The following PDE4D variants were observed in gnomAD, a reference collection of about 807,000 sequenced individuals.
The protein encoded by PDE4D is 3',5'-cyclic-AMP phosphodiesterase 4D.
A neutral mutation model predicts 87.4 loss-of-function variants in PDE4D; 24 were observed. The observed-to-expected ratio is 0.27, with a 90% CI of 0.20 to 0.39. The LOEUF is 0.39. Ranked by LOEUF, PDE4D falls within the 10% of genes least tolerant of loss-of-function variation. The pLI is 1.00. For synonymous variants in PDE4D, 384 were observed against 383.2 expected (o/e 1.00, Z -0.02); for missense variants, 714 against 1,041.0 (o/e 0.69, Z 4.32).
intron 2 of PDE4D, among the ~76,000 whole-genome samples, chr5:60,003,276 A>T (rs758939197): frequency 6.6e-6 from 1 of 152,238 alleles, no homozygotes; most frequent in Admixed American, 6.5e-5. Context: ...AAGATTTCAT[A>T]TTGTTAAAAT....
chr5:59,660,834 C>T (rs1580231419), intron 1 of PDE4D, among the ~76,000 whole-genome samples: 4 of 152,028 alleles, frequency 2.6e-5, no homozygotes, highest in African/African-American at 7.2e-5. Flanking sequence ...CAAGTTATCA[C>T]CAATTCTGAA....
chr5:59,254,072 T>C (rs1001007881), intron 1 of PDE4D, among the ~76,000 whole-genome samples: 2 of 152,110 alleles, frequency 1.3e-5, no homozygotes, highest in African/African-American at 4.8e-5. Flanking sequence ...GACAGCTGAT[T>C]CTCAAGCAAA....
At chr5:60,121,869 C>T (rs188739701) in intron 2 of PDE4D, among the ~76,000 whole-genome samples, 2 of 152,300 alleles carry the variant, frequency 1.3e-5, no homozygotes, top group Non-Finnish European at 1.5e-5. Context: ...GTTCCTTCCA[C>T]CTATGAGCCC....
intron 1 of PDE4D, among the ~76,000 whole-genome samples, chr5:59,709,329 T>G (rs866103133): frequency 2.6e-5 from 4 of 152,168 alleles, no homozygotes; most frequent in East Asian, 3.8e-4. Flanking sequence ...TAACAAAGTC[T>G]CTGCAGTTAT....
chr5:59,160,308 C>A (rs1399606633), intron 5 of PDE4D, among the ~76,000 whole-genome samples: 1 of 152,114 alleles, frequency 6.6e-6, no homozygotes, highest in African/African-American at 2.4e-5. Context: ...ATATGATTAG[C>A]AGTTATGAAA....
At chr5:59,647,140 C>A (rs983680252) in intron 1 of PDE4D, among the ~76,000 whole-genome samples, 1 of 152,192 alleles carries the variant, frequency 6.6e-6, no homozygotes, top group Non-Finnish European at 1.5e-5. Flanking sequence ...GGCATATTCA[C>A]AGCCTTCAAG....
intron 1 of PDE4D, among the ~76,000 whole-genome samples, chr5:59,433,559 C>T (rs1373758640): frequency 1.3e-5 from 2 of 151,960 alleles, no homozygotes; most frequent in Non-Finnish European, 2.9e-5. Context: ...AAAATAAGAA[C>T]ACATTGGAGA....
At chr5:60,415,432 C>T (rs1742411645) in intron 1 of PDE4D, among the ~76,000 whole-genome samples, 1 of 152,264 alleles carries the variant, frequency 6.6e-6, no homozygotes, top group Non-Finnish European at 1.5e-5. Flanking sequence ...AGCCGGCGCC[C>T]TCAGCTTGCG....
chr5:59,069,203 T>A (rs1221638809), intron 5 of PDE4D, among the ~76,000 whole-genome samples: 1 of 152,094 alleles, frequency 6.6e-6, no homozygotes, highest in Non-Finnish European at 1.5e-5. Context: ...TCCTTATACC[T>A]CTCCATTCCC....
chr5:59,445,969 T>C (rs1198136607), intron 1 of PDE4D, among the ~76,000 whole-genome samples: 2 of 152,130 alleles, frequency 1.3e-5, no homozygotes, highest in Non-Finnish European at 2.9e-5. Flanking sequence ...TGAATTCCCA[T>C]GGTTGGTTTA....
At chr5:59,133,725 T>C (rs981978309) in intron 5 of PDE4D, among the ~76,000 whole-genome samples, 2 of 152,124 alleles carry the variant, frequency 1.3e-5, no homozygotes, top group African/African-American at 4.8e-5. Flanking sequence ...GCCTCATGTT[T>C]TCCACCTCCC....
chr5:59,928,332 A>G (rs1755504903), intron 3 of PDE4D, among the ~76,000 whole-genome samples: 1 of 152,108 alleles, frequency 6.6e-6, no homozygotes, highest in Admixed American at 6.6e-5. Flanking sequence ...GAAGAAAGTA[A>G]TAGGGGAGGC....
chr5:60,347,935 T>G (rs924090682), intron 1 of PDE4D, among the ~76,000 whole-genome samples: 1 of 152,160 alleles, frequency 6.6e-6, no homozygotes, highest in African/African-American at 2.4e-5. Context: ...TCTCAGTTGT[T>G]TTCTGCCGTT....
intron 5 of PDE4D, among the ~76,000 whole-genome samples, chr5:59,146,057 G>A (rs2153457604): frequency 6.6e-6 from 1 of 152,288 alleles, no homozygotes; most frequent in South Asian, 2.1e-4. Context: ...AACCTGGGAG[G>A]TGGAGGTTGC....
intron 1 of PDE4D, among the ~76,000 whole-genome samples, chr5:59,466,715 C>A (rs1801633429): frequency 6.6e-6 from 1 of 152,110 alleles, no homozygotes; most frequent in African/African-American, 2.4e-5. Context: ...ATATGCCAGC[C>A]CTCTAGGAAC....
At chr5:60,134,589 C>T (rs377196866) in intron 2 of PDE4D, among the ~76,000 whole-genome samples, 9 of 152,270 alleles carry the variant, frequency 5.9e-5, no homozygotes, top group South Asian at 4.1e-4. Context: ...CTCTGGCAGA[C>T]GCCAAAATCC....
At chr5:59,038,782 G>T in intron 6 of PDE4D, 77 bp downstream of exon 6, 1 of 1,298,982 alleles carries the variant, frequency 7.7e-7, no homozygotes, top group Non-Finnish European at 1.0e-6. Flanking sequence ...TATTTCCCGG[G>T]GCTATGGGTA....
At chr5:60,393,254 G>A (rs777492724) in intron 1 of PDE4D, among the ~76,000 whole-genome samples, 1 of 152,168 alleles carries the variant, frequency 6.6e-6, no homozygotes, top group Non-Finnish European at 1.5e-5. Context: ...AACTTCATAG[G>A]AAAACAGTGA....
At chr5:60,044,635 A>T (rs1768981858) in intron 2 of PDE4D, among the ~76,000 whole-genome samples, 1 of 151,446 alleles carries the variant, frequency 6.6e-6, no homozygotes, top group Non-Finnish European at 1.5e-5. Context: ...TGTTCTTGCG[A>T]TAGTTTACTG....
Sources: allele counts gnomAD v4.1 joint callset (sites outside exome capture counted in the v4.1 genomes callset), GRCh38; gene constraint gnomAD v4.1.1; transcripts MANE v1.5; gene names NCBI Gene and HGNC (gene_info 2026-07-23, HGNC 2026-07-21).